TRPC4: variants seen among roughly 807,000 people sequenced by gnomAD.
TRPC4 encodes transient receptor potential cation channel subfamily C member 4, also known as short transient receptor potential channel 4.
A neutral mutation model predicts 99.4 loss-of-function variants in TRPC4; 49 were observed. That is an observed-to-expected ratio of 0.49 (90% CI 0.39 to 0.63). TRPC4 has a LOEUF of 0.63. TRPC4 is among the 20% of genes least tolerant of loss of function. The pLI is 0.00. For synonymous variants in TRPC4, 454 were observed against 425.9 expected, an observed-to-expected ratio of 1.07 and a Z score of -0.81; for missense variants, 898 against 1,152.9, an observed-to-expected ratio of 0.78 and a Z score of 3.20.
chr13:37,669,416 C>T (rs909437312), intron 5 of TRPC4, among the ~76,000 whole-genome samples: 14 of 152,128 alleles, frequency 9.2e-5, no homozygotes, highest in African/African-American at 2.9e-4. Context: ...AAATGATTGA[C>T]AAACTTTCCT....
chr13:37,661,659 T>C lies in TRPC4; in HGVS notation c.1688+1757A>G, dbSNP rs117258437. Among the ~76,000 whole-genome samples the C allele has an allele frequency of 7.3e-4, 111 of 152,144 alleles. No homozygotes were observed. The East Asian group carries it at 0.021, about 29-fold the overall frequency. Reference sequence around the variant, plus strand: ...ATTCACAAGGGTTCTCCATCAGAAATCCAGGAGACCAGCTGGCAGACAGAC... The same window carrying C: ...ATTCACAAGGGTTCTCCATCAGAAACCCAGGAGACCAGCTGGCAGACAGAC... On this transcript the variant is annotated intron_variant, in intron 6 of 10. Coordinates refer to ENST00000379705, the MANE Select transcript of TRPC4 (RefSeq NM_016179.4).
At chr13:37,759,734 C>T (rs1420682208) in intron 2 of TRPC4, among the ~76,000 whole-genome samples, 1 of 151,882 alleles carries the variant, frequency 6.6e-6, no homozygotes, top group Non-Finnish European at 1.5e-5. Flanking sequence ...CAGGCTCCCC[C>T]ATTCATTGAA....
At chr13:37,750,412 T>C (rs1955901470) in intron 2 of TRPC4, among the ~76,000 whole-genome samples, 1 of 152,136 alleles carries the variant, frequency 6.6e-6, no homozygotes, top group South Asian at 2.1e-4. Flanking sequence ...ATTACGTTGG[T>C]TTTATTTATT....
chr13:37,738,487 G>T (rs1955472741), intron 3 of TRPC4, among the ~76,000 whole-genome samples: 1 of 152,152 alleles, frequency 6.6e-6, no homozygotes, highest in Non-Finnish European at 1.5e-5. Flanking sequence ...GTAGTGCTCA[G>T]CCTTGATTGC....
At chr13:37,827,845 G>A (rs1958286445) in intron 1 of TRPC4, among the ~76,000 whole-genome samples, 2 of 152,178 alleles carry the variant, frequency 1.3e-5, no homozygotes, top group Non-Finnish European at 2.9e-5. Context: ...GCAAGCCTGG[G>A]CAATGGCGGG....
At chr13:37,664,451 G>T (rs1221755429) in intron 5 of TRPC4, among the ~76,000 whole-genome samples, 1 of 152,016 alleles carries the variant, frequency 6.6e-6, no homozygotes, top group African/African-American at 2.4e-5. Context: ...GCGGGCACCT[G>T]TAATCCCAGC....
intron 2 of TRPC4, among the ~76,000 whole-genome samples, chr13:37,747,758 G>A (rs113094774): frequency 2.0e-5 from 3 of 152,092 alleles, no homozygotes; most frequent in Non-Finnish European, 2.9e-5. Flanking sequence ...TGAAATTATC[G>A]ATTTAAAATA....
At chr13:37,805,965 G>T (rs532078883) in intron 1 of TRPC4, among the ~76,000 whole-genome samples, 2 of 151,854 alleles carry the variant, frequency 1.3e-5, no homozygotes, top group African/African-American at 4.8e-5. Context: ...AAACAGAATT[G>T]GGAAGAATCA....
Position 37,783,061 on chromosome 13 carries a change from G to A in TRPC4, c.273C>T (p.Ser91=). ...ENLELIELLL[S]FNVYVGDALL... ...GAGCATCTCCAACATAGACATTAAA[G>A]CTTAAGAGTAGTTCGATGAGCTCCA... The change falls in exon 2 of 11, where the codon AGC becomes AGT. Residue 91 remains serine, a synonymous_variant. Transcript: ENST00000379705. The A allele has an allele frequency of 6.2e-7, 1 of 1,613,226 alleles. No individual in the cohort carries two copies. Among genetic ancestry groups the A allele is most frequent in the Non-Finnish European group, 8.5e-7 (1 of 1,179,704 alleles).
At chr13:37,746,568 T>TG in intron 2 of TRPC4, 113 bp from the exon 3 acceptor site, 2 of 650,918 alleles carry the variant, frequency 3.1e-6, no homozygotes, top group Non-Finnish European at 2.2e-6. Flanking sequence ...CTTGGCCGGG[T>TG]TTTTTTTTTT....
At chr13:37,770,342 C>G (rs1355379663) in intron 2 of TRPC4, among the ~76,000 whole-genome samples, 1 of 151,400 alleles carries the variant, frequency 6.6e-6, no homozygotes, top group East Asian at 1.9e-4. Context: ...GGGGTGACAT[C>G]ACATTAAAGG....
chr13:37,710,070 A>G (rs1954428496), intron 3 of TRPC4, among the ~76,000 whole-genome samples: 1 of 152,034 alleles, frequency 6.6e-6, no homozygotes, highest in Non-Finnish European at 1.5e-5. Flanking sequence ...AGCACATTAT[A>G]GTACTGGCTT....
At chr13:37,734,516 C>A (rs553389183) in intron 3 of TRPC4, among the ~76,000 whole-genome samples, 1 of 152,146 alleles carries the variant, frequency 6.6e-6, no homozygotes, top group African/African-American at 2.4e-5. Context: ...GTCTTAGCTG[C>A]CAGCAAGATT....
chr13:37,755,687 C>A (rs1370069827), intron 2 of TRPC4, among the ~76,000 whole-genome samples: 1 of 152,110 alleles, frequency 6.6e-6, no homozygotes, highest in South Asian at 2.1e-4. Flanking sequence ...CAGGCGTGAG[C>A]CACTGCACCC....
chr13:37,795,603 T>C (rs1957224373), intron 1 of TRPC4, among the ~76,000 whole-genome samples: 1 of 152,168 alleles, frequency 6.6e-6, no homozygotes. Context: ...CAAGGAATTC[T>C]AGGAGGAGGA....
Position 37,651,347 on chromosome 13 carries a change from A to G in TRPC4, c.1997T>C (p.Leu666Pro). 6.2e-7 allele frequency: 1 copy of G among 1,614,140 alleles called. No homozygotes were observed. Among genetic ancestry groups the G allele is most frequent in the Non-Finnish European group, 8.5e-7 (1 of 1,179,998 alleles). The change falls in exon 8 of 11, where the codon CTC becomes CCC. Residue 666 changes from leucine to proline, a missense_variant. By Grantham distance (98) the Leu-to-Pro change is moderately conservative (BLOSUM62 -3). This residue lies in a region of TRPC4 where 274 missense variants were observed against 454.9 expected (regional missense o/e 0.60). Transcript: ENST00000379705. ...PFNVIPSPKS[L>P]WYLIKWIWTH... ...CCAGATCCATTTGATCAGGTACCAG[A>G]GAGACTTGGGGCTCGGGATGACATT...
intron 3 of TRPC4, among the ~76,000 whole-genome samples, chr13:37,700,834 G>T (rs1954081282): frequency 6.6e-6 from 1 of 152,038 alleles, no homozygotes; most frequent in African/African-American, 2.4e-5. Context: ...TAGCCTTAAG[G>T]TTGAGAATAA....
chr13:37,778,290 A>G (rs1956758897), intron 2 of TRPC4, among the ~76,000 whole-genome samples: 1 of 151,976 alleles, frequency 6.6e-6, no homozygotes, highest in Admixed American at 6.6e-5. Context: ...TAATACTTTC[A>G]TTTCCCCATT....
intron 1 of TRPC4, among the ~76,000 whole-genome samples, chr13:37,831,145 T>C (rs1052454280): frequency 6.6e-6 from 1 of 152,116 alleles, no homozygotes; most frequent in East Asian, 1.9e-4. Context: ...TTGCCTGTGC[T>C]TTTGGGGTCA....
Sources: gnomAD v4.1 joint callset for allele counts (sites outside exome capture counted in the v4.1 genomes callset) on GRCh38, gnomAD v4.1.1 for gene constraint, gnomAD v4.1.1 regional missense constraint, MANE v1.5 for transcripts, NCBI Gene and HGNC (gene_info 2026-07-23, HGNC 2026-07-21) for gene names.